Variants in AGPAT4 observed in about 807,000 individuals in gnomAD.
AGPAT4 encodes 1-acylglycerol-3-phosphate O-acyltransferase 4.
A neutral mutation model predicts 48.0 loss-of-function variants in AGPAT4; 15 were observed. The ratio of observed to expected loss-of-function variants is 0.31; its 90% confidence interval spans 0.21 to 0.48. The LOEUF (loss-of-function observed/expected upper bound fraction) is 0.48, where lower values mean the gene tolerates loss of function less well. Ranked by LOEUF, AGPAT4 falls within the 20% of genes least tolerant of loss-of-function variation. AGPAT4 has a pLI of 0.99. For missense variants in AGPAT4, 314 were observed against 482.5 expected, an observed-to-expected ratio of 0.65 and a Z score of 3.27; for synonymous variants, 178 against 198.7, an observed-to-expected ratio of 0.90 and a Z score of 0.88.
rs1782609181 is a variant in AGPAT4 at position 161,244,944 on chromosome 6, A to C, written c.-89-12642T>G. Among the ~76,000 whole-genome samples the C allele has an allele frequency of 6.6e-6, 1 of 152,236 alleles. No homozygotes were observed. The highest frequency in any genetic ancestry group is 2.4e-5 in the African/African-American group (1 of 41,464). ...ATCTCAGAAAACCAAGGAGATGCGAAGTGATAGCAACCAGAGCCAAAGGCC... is the reference window on the plus strand; with the variant it reads ...ATCTCAGAAAACCAAGGAGATGCGACGTGATAGCAACCAGAGCCAAAGGCC... On this transcript the variant is annotated intron_variant, in intron 1 of 8. Coordinates refer to ENST00000320285, the MANE Select transcript of AGPAT4 (RefSeq NM_020133.3). This position sits in a 1 kb window ranked among gnomAD's most constrained non-coding sequence, Gnocchi z 4.7.
At chr6:161,228,661 TAAA>T (rs375011382) in intron 2 of AGPAT4, among the ~76,000 whole-genome samples, 5 of 84,070 alleles carry the variant, frequency 5.9e-5, no homozygotes, top group African/African-American at 1.1e-4. Context: ...GTCAGAGAGG[TAAA>T]AAAAAAAAAA....
Position 161,147,588 on chromosome 6 carries a change from TCAAGG to T in AGPAT4, c.768-994_768-990del, listed in dbSNP as rs1378590661. ...CAGATTACAATGAGCCACTTCCTTT[TCAAGG>T]CAGTATTGTACAGAGGTAAGTTTTT... On this transcript the variant is annotated intron_variant, in intron 6 of 8. Coordinates refer to ENST00000320285, the MANE Select transcript of AGPAT4 (RefSeq NM_020133.3). The surrounding 1 kb of genome is among the most constrained non-coding windows in gnomAD (Gnocchi z 4.8). 6.6e-6 allele frequency among the ~76,000 whole-genome samples: 1 copy of T among 152,216 alleles called. No individual in the cohort carries two copies. The highest frequency in any genetic ancestry group is 1.5e-5 in the Non-Finnish European group (1 of 68,048).
intron 2 of AGPAT4, among the ~76,000 whole-genome samples, chr6:161,209,219 A>G (rs1407412935): frequency 3.4e-4 from 51 of 152,140 alleles, no homozygotes; most frequent in Non-Finnish European, 2.9e-5. Flanking sequence ...GAAAGCCACA[A>G]TGAGGAATCC....
chr6:161,137,967 G>C lies in AGPAT4; in HGVS notation c.1043-1333C>G, dbSNP rs914863589. Among the ~76,000 whole-genome samples, 12 of 152,218 alleles carry C rather than the reference G, an allele frequency of 7.9e-5. No individual in the cohort carries two copies. Among genetic ancestry groups the C allele is most frequent in the African/African-American group, 2.9e-4 (12 of 41,446 alleles). ...TTCTTTTTTTGGTACTCGCTACACA[G>C]CTGGGTGGCCCTGTCTGCAGCCTTC... On this transcript the variant is annotated intron_variant, in intron 8 of 8. Coordinates refer to ENST00000320285, the MANE Select transcript of AGPAT4 (RefSeq NM_020133.3). The surrounding 1 kb of genome is among the most constrained non-coding windows in gnomAD (Gnocchi z 6.1).
chr6:161,169,903 A>G lies in AGPAT4; in HGVS notation c.179-3486T>C, dbSNP rs1780214482. ...AATACCACCATTTTGTAGGTCACAC[A>G]TGTTTTTGCTGATCTGCTGATTCAC... On this transcript the variant is annotated intron_variant, in intron 2 of 8. Transcript: ENST00000320285. The surrounding 1 kb of genome is among the most constrained non-coding windows in gnomAD (Gnocchi z 5.0). Among the ~76,000 whole-genome samples the G allele has an allele frequency of 1.3e-5, 2 of 152,150 alleles. No individual in the cohort carries two copies. The highest frequency in any genetic ancestry group is 4.8e-5 in the African/African-American group (2 of 41,432).
rs1464055910 is a variant in AGPAT4, at chr6:161,204,691, AT to A, written c.178+27344del. Among the ~76,000 whole-genome samples the A allele has an allele frequency of 8.5e-5, 13 of 152,118 alleles. No individual in the cohort carries two copies. The highest frequency in any genetic ancestry group is 7.2e-4 in the Admixed American group (11 of 15,268). ...TGTCATCAGCAGCTGTTAAAAAAAA[AT>A]GTTCCCTAAATTCACAGAATATGAG... On this transcript the variant is annotated intron_variant, in intron 2 of 8. Coordinates refer to ENST00000320285, the MANE Select transcript of AGPAT4 (RefSeq NM_020133.3). This position sits in a 1 kb window ranked among gnomAD's most constrained non-coding sequence, Gnocchi z 4.4.
chr6:161,157,398 C>T (rs112212630), intron 3 of AGPAT4, among the ~76,000 whole-genome samples: 71 of 152,186 alleles, frequency 4.7e-4, no homozygotes, highest in African/African-American at 3.1e-4. Context: ...CTGCAACCTC[C>T]GCCTCCCAGG....
chr6:161,249,048 A>G lies in AGPAT4; in HGVS notation c.-89-16746T>C, dbSNP rs1782739169. On this transcript the variant is annotated intron_variant, in intron 1 of 8. Transcript: ENST00000320285. This position sits in a 1 kb window ranked among gnomAD's most constrained non-coding sequence, Gnocchi z 6.2. ...CTATCTTATCTTCAACAAAGCTGAC[A>G]AAAACAAGCAATGGGGAAAGGACTC... 6.6e-6 allele frequency among the ~76,000 whole-genome samples: 1 copy of G among 152,240 alleles called. No individual in the cohort carries two copies. Among genetic ancestry groups the G allele is most frequent in the African/African-American group, 2.4e-5 (1 of 41,462 alleles).
At chr6:161,156,320 T>C (rs1265644021) in intron 3 of AGPAT4, among the ~76,000 whole-genome samples, 1 of 152,212 alleles carries the variant, frequency 6.6e-6, no homozygotes, top group Non-Finnish European at 1.5e-5. Context: ...CTCTTGTCCA[T>C]GTGCCTATTG....
At chr6:161,207,888 T>C (rs1647600702) in intron 2 of AGPAT4, among the ~76,000 whole-genome samples, 1 of 151,538 alleles carries the variant, frequency 6.6e-6, no homozygotes, top group South Asian at 2.1e-4. Context: ...GGGACAGGAG[T>C]GTGGCCCCAG....
At chr6:161,192,058 G>A (rs955827379) in intron 2 of AGPAT4, among the ~76,000 whole-genome samples, 1 of 111,596 alleles carries the variant, frequency 9.0e-6, no homozygotes, top group African/African-American at 3.5e-5. Context: ...TTTGTCTCAT[G>A]TTTCCATGGT....
chr6:161,166,206 A>G lies in AGPAT4; in HGVS notation c.348+42T>C, dbSNP rs534968716. The stretch of plus-strand genomic sequence containing the variant: ...AAAAGACAAGTGGTGGGGCTGAACC[A>G]GAGAAATGTGTGAGGCAGGGGGGAA... On this transcript the variant is annotated intron_variant, in intron 3 of 8. Transcript: ENST00000320285. The surrounding 1 kb of genome is among the most constrained non-coding windows in gnomAD (Gnocchi z 6.7). The G allele has an allele frequency of 1.3e-4, 205 of 1,603,092 alleles. 2 individuals carry two copies. In the South Asian group the frequency reaches 2.2e-3, roughly 17 times the overall value.
chr6:161,168,608 T>C (rs1296264623), intron 2 of AGPAT4, among the ~76,000 whole-genome samples: 4 of 151,978 alleles, frequency 2.6e-5, no homozygotes, highest in Middle Eastern at 3.2e-3. Flanking sequence ...GCCTGGCACA[T>C]GGATGCTTTC....
Position 161,143,136 on chromosome 6 carries a change from A to G in AGPAT4, c.843+3388T>C, listed in dbSNP as rs373578941. On this transcript the variant is annotated intron_variant, in intron 7 of 8. Transcript: ENST00000320285. The surrounding 1 kb of genome is among the most constrained non-coding windows in gnomAD (Gnocchi z 4.7). ...TGCCCAGGCTGGAGTGCAGTGGTGC[A>G]ATCATAGCTCACAGTAACCTTCAAC... Among the ~76,000 whole-genome samples, 15 of 152,306 alleles carry G rather than the reference A, an allele frequency of 9.8e-5. No homozygotes were observed. The East Asian group carries it at 1.9e-3, about 20-fold the overall frequency.
chr6:161,163,178 C>G (rs921687955), intron 3 of AGPAT4, among the ~76,000 whole-genome samples: 4 of 152,216 alleles, frequency 2.6e-5, no homozygotes, highest in South Asian at 2.1e-4. Flanking sequence ...CCAAAAAGAC[C>G]AATTTTACAT....
rs753842095 is a variant in AGPAT4, at chr6:161,212,907, C to T, written c.178+19129G>A. Among the ~76,000 whole-genome samples, 2 of 152,204 alleles carry T rather than the reference C, an allele frequency of 1.3e-5. No homozygotes were observed. Among genetic ancestry groups the T allele is most frequent in the African/African-American group, 2.4e-5 (1 of 41,456 alleles). On this transcript the variant is annotated intron_variant, in intron 2 of 8. Coordinates refer to ENST00000320285, the MANE Select transcript of AGPAT4 (RefSeq NM_020133.3). This position sits in a 1 kb window ranked among gnomAD's most constrained non-coding sequence, Gnocchi z 6.1. Reference sequence around the variant, plus strand: ...AATCAATTTTCACTGTAACAGGCCACAATCAGAGAAACTGTTTATTTTACC... The same window carrying T: ...AATCAATTTTCACTGTAACAGGCCATAATCAGAGAAACTGTTTATTTTACC...
rs1454470189 is a variant in AGPAT4, at chr6:161,196,458, CAG to C, written c.179-30043_179-30042del. 3.3e-5 allele frequency among the ~76,000 whole-genome samples: 5 copies of C among 152,042 alleles called. No homozygotes were observed. In the East Asian group the frequency reaches 9.7e-4, roughly 29 times the overall value. On this transcript the variant is annotated intron_variant, in intron 2 of 8. Coordinates refer to ENST00000320285, the MANE Select transcript of AGPAT4 (RefSeq NM_020133.3). This position sits in a 1 kb window ranked among gnomAD's most constrained non-coding sequence, Gnocchi z 4.3. Reference sequence around the variant, plus strand: ...AGGGTCTGAAATAGGTCTGAAGCAACAGAGTTAGGGCAAAGACTAGAGTTACA... The same window carrying C: ...AGGGTCTGAAATAGGTCTGAAGCAACAGTTAGGGCAAAGACTAGAGTTACA...
Position 161,236,811 on chromosome 6 carries a change from C to T in AGPAT4, c.-89-4509G>A, listed in dbSNP as rs867585703. On this transcript the variant is annotated intron_variant, in intron 1 of 8. Transcript: ENST00000320285. This position sits in a 1 kb window ranked among gnomAD's most constrained non-coding sequence, Gnocchi z 5.0. ...CAGCTACTCGGGAGGCTGAGGCAGG[C>T]GAATCACTTAAACCTGGGAGGCAGA... 6.6e-6 allele frequency among the ~76,000 whole-genome samples: 1 copy of T among 151,540 alleles called. No individual in the cohort carries two copies. The highest frequency in any genetic ancestry group is 1.5e-5 in the Non-Finnish European group (1 of 67,914).
chr6:161,200,703 G>T lies in AGPAT4; in HGVS notation c.178+31333C>A, dbSNP rs1781216378. 6.6e-6 allele frequency among the ~76,000 whole-genome samples: 1 copy of T among 152,148 alleles called. No homozygotes were observed. The highest frequency in any genetic ancestry group is 2.4e-5 in the African/African-American group (1 of 41,426). On this transcript the variant is annotated intron_variant, in intron 2 of 8. Transcript: ENST00000320285. This position sits in a 1 kb window ranked among gnomAD's most constrained non-coding sequence, Gnocchi z 5.5. Reference sequence around the variant, plus strand: ...CCTCTGCTCTTTGTAAAGAATCGGGGACAAACAAGTGACATATTGGAATTC... The same window carrying T: ...CCTCTGCTCTTTGTAAAGAATCGGGTACAAACAAGTGACATATTGGAATTC...
Sources: gnomAD v4.1 joint callset for allele counts (sites outside exome capture counted in the v4.1 genomes callset) on GRCh38, gnomAD v4.1.1 for gene constraint, Gnocchi (gnomAD v3.1) non-coding constraint, MANE v1.5 for transcripts, NCBI Gene and HGNC (gene_info 2026-07-23, HGNC 2026-07-21) for gene names.